COL23A1: variants seen among roughly 807,000 people sequenced by gnomAD.
COL23A1 encodes collagen type XXIII alpha 1 chain.
In COL23A1, 97 loss-of-function variants were observed where a neutral mutation model predicts 99.3. The observed-to-expected ratio is 0.98, with a 90% CI of 0.83 to 1.16. COL23A1 has a LOEUF of 1.16. Ranked by LOEUF, COL23A1 falls within the 50% of genes most tolerant of loss-of-function variation. The pLI is 0.00. For missense variants in COL23A1, 762 were observed against 757.4 expected (o/e 1.01, Z -0.07); for synonymous variants, 320 against 308.2 (o/e 1.04, Z -0.40).
At chr5:178,512,433 C>T (rs919843194) in intron 2 of COL23A1, among the ~76,000 whole-genome samples, 4 of 152,176 alleles carry the variant, frequency 2.6e-5, no homozygotes, top group African/African-American at 9.7e-5. Flanking sequence ...CCAGATATAT[C>T]CCGGGTGTCC....
At chr5:178,536,813 G>C (rs979638070) in intron 2 of COL23A1, among the ~76,000 whole-genome samples, 3 of 152,204 alleles carry the variant, frequency 2.0e-5, no homozygotes, top group Non-Finnish European at 2.9e-5. Context: ...GGGGGTGGAG[G>C]ATGCACATTT....
rs570651056 is a variant in COL23A1 at position 178,445,146 on chromosome 5, C to T, written c.361+115536G>A. Among the ~76,000 whole-genome samples, 4 of 152,260 alleles carry T rather than the reference C, an allele frequency of 2.6e-5. No individual in the cohort carries two copies. The South Asian group carries it at 8.3e-4, about 32-fold the overall frequency. On this transcript the variant is annotated intron_variant, in intron 2 of 28. Transcript: ENST00000390654. ...ATTTATTCTAGGATTGCAAGGATGG[C>T]TCTATATTATAAAATTTGTTAATAT... is the stretch of plus-strand genomic sequence containing the variant.
intron 8 of COL23A1, among the ~76,000 whole-genome samples, chr5:178,266,666 G>C (rs1396034807): frequency 6.6e-6 from 1 of 152,166 alleles, no homozygotes; most frequent in Non-Finnish European, 1.5e-5. Flanking sequence ...TATGTGGCTG[G>C]CACAGAGCAG....
At chr5:178,561,993 G>T in intron 1 of COL23A1, 1 of 465,654 alleles carries the variant, frequency 2.1e-6, no homozygotes, top group South Asian at 1.7e-5. Context: ...GAGGCGCAGA[G>T]AGCGAAGCAG....
At chr5:178,570,119 T>C (rs1303503842) in intron 1 of COL23A1, among the ~76,000 whole-genome samples, 3 of 151,184 alleles carry the variant, frequency 2.0e-5, no homozygotes, top group African/African-American at 4.9e-5. Context: ...TTTCTTTTTT[T>C]TTTTTTCCTT....
intron 2 of COL23A1, among the ~76,000 whole-genome samples, chr5:178,554,345 A>C (rs1366423546): frequency 6.6e-6 from 1 of 151,750 alleles, no homozygotes; most frequent in Non-Finnish European, 1.5e-5. Context: ...TGCCCAGCTA[A>C]TTTTTGCATT....
intron 2 of COL23A1, among the ~76,000 whole-genome samples, chr5:178,431,266 G>A (rs1243257750): frequency 2.6e-5 from 4 of 152,204 alleles, no homozygotes; most frequent in South Asian, 2.1e-4. Context: ...CACGCAGGGT[G>A]TGTCCTGGTC....
intron 17 of COL23A1, among the ~76,000 whole-genome samples, chr5:178,252,330 G>A (rs1156386782): frequency 6.6e-6 from 1 of 152,200 alleles, no homozygotes; most frequent in Admixed American, 6.5e-5. Flanking sequence ...CAGTTTAAAT[G>A]TATGAATAAG....
At chr5:178,363,216 G>A (rs149814001) in intron 2 of COL23A1, among the ~76,000 whole-genome samples, 1 of 152,004 alleles carries the variant, frequency 6.6e-6, no homozygotes, top group Non-Finnish European at 1.5e-5. Flanking sequence ...ATGCCCTAGA[G>A]TTACAGTGTA....
At chr5:178,264,495 G>A (rs1765804822) in intron 8 of COL23A1, among the ~76,000 whole-genome samples, 1 of 152,052 alleles carries the variant, frequency 6.6e-6, no homozygotes, top group Non-Finnish European at 1.5e-5. Context: ...CACTGTGACT[G>A]GCACCTACCC....
chr5:178,250,414 T>C (rs1347502909), intron 17 of COL23A1, among the ~76,000 whole-genome samples: 1 of 152,190 alleles, frequency 6.6e-6, no homozygotes, highest in African/African-American at 2.4e-5. Flanking sequence ...GACTTCAAAG[T>C]TGTTGGCTCT....
intron 2 of COL23A1, among the ~76,000 whole-genome samples, chr5:178,339,477 C>T (rs1760531590): frequency 6.6e-6 from 1 of 152,226 alleles, no homozygotes; most frequent in Non-Finnish European, 1.5e-5. Context: ...GTTACTACAG[C>T]CTCAGATCCT....
At chr5:178,485,733 G>C (rs1266294474) in intron 2 of COL23A1, among the ~76,000 whole-genome samples, 1 of 132,084 alleles carries the variant, frequency 7.6e-6, no homozygotes, top group Admixed American at 8.5e-5. Context: ...AGTGAGCCGA[G>C]ATCACACCAT....
At chr5:178,328,779 T>C (rs2127641195) in intron 2 of COL23A1, among the ~76,000 whole-genome samples, 1 of 152,278 alleles carries the variant, frequency 6.6e-6, no homozygotes, top group East Asian at 1.9e-4. Flanking sequence ...TCTAGACGGT[T>C]ATAGAGGTAA....
intron 1 of COL23A1, among the ~76,000 whole-genome samples, chr5:178,584,023 C>G (rs905001482): frequency 6.6e-6 from 1 of 152,056 alleles, no homozygotes; most frequent in Non-Finnish European, 1.5e-5. Context: ...CCACCATGCC[C>G]AGCTGATTAT....
At chr5:178,318,128 T>C (rs1350698226) in intron 2 of COL23A1, among the ~76,000 whole-genome samples, 1 of 152,200 alleles carries the variant, frequency 6.6e-6, no homozygotes, top group Admixed American at 6.5e-5. Flanking sequence ...TGCTATGTCA[T>C]GAATAACCAC....
intron 1 of COL23A1, among the ~76,000 whole-genome samples, chr5:178,585,481 C>T (rs934571717): frequency 6.6e-6 from 1 of 151,612 alleles, no homozygotes; most frequent in African/African-American, 2.4e-5. Context: ...GGGTAACACT[C>T]CACAGCCCTG....
At chr5:178,419,433 C>T (rs1765480692) in intron 2 of COL23A1, among the ~76,000 whole-genome samples, 2 of 152,240 alleles carry the variant, frequency 1.3e-5, no homozygotes, top group African/African-American at 4.8e-5. Context: ...CAAACCTGTT[C>T]TGTGCCAGGC....
At chr5:178,250,978 C>CAAA (rs558621690) in intron 17 of COL23A1, among the ~76,000 whole-genome samples, 20 of 72,110 alleles carry the variant, frequency 2.8e-4, no homozygotes, top group African/African-American at 9.2e-4. Flanking sequence ...GACTCCGTCT[C>CAAA]AAAAAAAAAA....
Sources: gnomAD v4.1 joint callset for allele counts (sites outside exome capture counted in the v4.1 genomes callset) on GRCh38, gnomAD v4.1.1 for gene constraint, MANE v1.5 for transcripts, NCBI Gene and HGNC (gene_info 2026-07-23, HGNC 2026-07-21) for gene names.